The following PTPRD variants were observed in gnomAD, a reference collection of about 807,000 sequenced individuals.
PTPRD encodes protein tyrosine phosphatase receptor type D.
A neutral mutation model predicts 214.5 loss-of-function variants in PTPRD; 34 were observed. The ratio of observed to expected loss-of-function variants is 0.16; its 90% CI spans 0.12 to 0.21. The LOEUF (loss-of-function observed/expected upper bound fraction) is 0.21. Among genes scored for constraint, PTPRD ranks in the 10% least tolerant of loss-of-function variants. The probability of loss-of-function intolerance (pLI) is 1.00; values close to 1 mark genes in which losing one functional copy is unlikely to be tolerated. For missense variants in PTPRD, 2,545 were observed against 2,398.7 expected (o/e 1.06, Z -1.27); for synonymous variants, 1,128 against 845.7 (o/e 1.33, Z -5.79).
chr9:9,290,948 A>T (rs558457541), intron 9 of PTPRD, among the ~76,000 whole-genome samples: 1 of 151,532 alleles, frequency 6.6e-6, no homozygotes, highest in African/African-American at 2.4e-5. Flanking sequence ...GGTCATAGAA[A>T]TCACTGAGCT....
intron 10 of PTPRD, among the ~76,000 whole-genome samples, chr9:9,175,638 A>AC (rs1409272418): frequency 1.8e-4 from 28 of 151,756 alleles, no homozygotes; most frequent in African/African-American, 6.5e-4. Flanking sequence ...AAAAAAAAAA[A>AC]AAAAAAAAAA....
intron 11 of PTPRD, among the ~76,000 whole-genome samples, chr9:8,912,825 G>C (rs1233899376): frequency 6.6e-6 from 1 of 152,054 alleles, no homozygotes; most frequent in African/African-American, 2.4e-5. Context: ...CCCTGGTAAA[G>C]TTGCCACAGC....
At chr9:9,581,258 A>G (rs774846177) in intron 7 of PTPRD, among the ~76,000 whole-genome samples, 3 of 152,150 alleles carry the variant, frequency 2.0e-5, no homozygotes, top group Non-Finnish European at 4.4e-5. Context: ...TATTTATCAG[A>G]CATGTCAAAT....
At chr9:9,275,225 G>T (rs1945134104) in intron 9 of PTPRD, among the ~76,000 whole-genome samples, 3 of 96,528 alleles carry the variant, frequency 3.1e-5, no homozygotes, top group African/African-American at 8.6e-5. Context: ...ATAACCATTA[G>T]CATTTCATGC....
At chr9:9,434,741 T>C (rs1422927953) in intron 8 of PTPRD, among the ~76,000 whole-genome samples, 1 of 151,724 alleles carries the variant, frequency 6.6e-6, no homozygotes, top group Non-Finnish European at 1.5e-5. Flanking sequence ...ACCCCATAAA[T>C]ATGTACAATT....
chr9:10,208,795 A>C (rs1460875569), intron 3 of PTPRD, among the ~76,000 whole-genome samples: 3 of 152,204 alleles, frequency 2.0e-5, no homozygotes, highest in Non-Finnish European at 2.9e-5. Flanking sequence ...TCTTGAGTAA[A>C]TATAAAAATG....
chr9:8,616,206 C>A (rs565550366), intron 14 of PTPRD, among the ~76,000 whole-genome samples: 2 of 152,052 alleles, frequency 1.3e-5, no homozygotes, highest in East Asian at 3.9e-4. Context: ...ACCATCAGTA[C>A]AAATCAATTG....
At chr9:9,581,851 C>T (rs1024829159) in intron 7 of PTPRD, among the ~76,000 whole-genome samples, 1 of 152,070 alleles carries the variant, frequency 6.6e-6, no homozygotes, top group Non-Finnish European at 1.5e-5. Context: ...GTAATTTATA[C>T]ATTTATTCCA....
chr9:8,786,402 CTTTTTTTTTTTTT>C (rs36018689), intron 11 of PTPRD, among the ~76,000 whole-genome samples: 5 of 66,996 alleles, frequency 7.5e-5, no homozygotes, highest in Admixed American at 4.4e-4. Context: ...GTTTGGAGTT[CTTTTTTTTTTTTT>C]TTTTTTTTTT....
chr9:10,368,378 GAC>G (rs1399820118), intron 2 of PTPRD, among the ~76,000 whole-genome samples: 4 of 152,068 alleles, frequency 2.6e-5, no homozygotes, highest in Non-Finnish European at 5.9e-5. Context: ...AGACAGTGAT[GAC>G]ACCTTACTTG....
At chr9:10,051,581 C>T (rs1401131178) in intron 3 of PTPRD, among the ~76,000 whole-genome samples, 1 of 151,876 alleles carries the variant, frequency 6.6e-6, no homozygotes, top group Non-Finnish European at 1.5e-5. Flanking sequence ...GGTATATCTC[C>T]TAATGCTATC....
At chr9:8,563,954 T>C (rs541607750) in intron 14 of PTPRD, among the ~76,000 whole-genome samples, 12 of 152,288 alleles carry the variant, frequency 7.9e-5, no homozygotes, top group African/African-American at 2.9e-4. Context: ...GCGTGAGGCA[T>C]TGCAACCGGC....
chr9:10,549,804 G>C (rs1314360079), intron 2 of PTPRD, among the ~76,000 whole-genome samples: 1 of 151,784 alleles, frequency 6.6e-6, no homozygotes, highest in East Asian at 1.9e-4. Flanking sequence ...GAAGAGACCA[G>C]GTTTTAAAAA....
intron 11 of PTPRD, among the ~76,000 whole-genome samples, chr9:8,813,632 T>G (rs2096861473): frequency 6.6e-6 from 1 of 152,158 alleles, no homozygotes; most frequent in East Asian, 1.9e-4. Context: ...CTCGGCCTCC[T>G]GCAGTGCTGG....
rs755758963 is a variant in PTPRD at position 8,552,493 on chromosome 9, C to T, written c.353-23714G>A. Among the ~76,000 whole-genome samples, 85 of 152,256 alleles carry T rather than the reference C, an allele frequency of 5.6e-4. No individual in the cohort carries two copies. The Middle Eastern group carries it at 0.01, about 18-fold the overall frequency. ...AGAGGACAGAGGCATTCACACCAAA[C>T]CACCTTCATTGCACTCTTCAGAGGA... On this transcript the variant is annotated intron_variant, in intron 14 of 45. Transcript: ENST00000381196.
chr9:9,562,714 G>A (rs534530565), intron 8 of PTPRD, among the ~76,000 whole-genome samples: 1 of 152,124 alleles, frequency 6.6e-6, no homozygotes, highest in Admixed American at 6.5e-5. Flanking sequence ...GCCCAAATCT[G>A]TTGTTTTGGA....
intron 12 of PTPRD, among the ~76,000 whole-genome samples, chr9:8,699,868 T>A (rs1203115920): frequency 1.3e-5 from 2 of 152,188 alleles, no homozygotes; most frequent in Non-Finnish European, 2.9e-5. Context: ...TAGCAAGAGT[T>A]TCCCATTGTG....
chr9:9,517,553 C>T (rs1409299113), intron 8 of PTPRD, among the ~76,000 whole-genome samples: 4 of 151,940 alleles, frequency 2.6e-5, no homozygotes, highest in Non-Finnish European at 5.9e-5. Context: ...CTTCCTACAC[C>T]AACAGCAGTG....
chr9:8,684,390 C>T lies in PTPRD; in HGVS notation c.65-47546G>A, dbSNP rs573475927. Among the ~76,000 whole-genome samples the T allele has an allele frequency of 1.1e-4, 16 of 152,150 alleles. No homozygotes were observed. The South Asian group carries it at 3.1e-3, about 30-fold the overall frequency. ...GAAGCTAATAAGGTGCTCAATGTCA[C>T]ACAGCTGACAAGTGAACCAAGATTG... On this transcript the variant is annotated intron_variant, in intron 12 of 45. Coordinates refer to ENST00000381196, the MANE Select transcript of PTPRD (RefSeq NM_002839.4).
Sources: gnomAD v4.1 joint callset for allele counts (sites outside exome capture counted in the v4.1 genomes callset) on GRCh38, gnomAD v4.1.1 for gene constraint, MANE v1.5 for transcripts, NCBI Gene and HGNC (gene_info 2026-07-23, HGNC 2026-07-21) for gene names.